The following DDRGK1 variants were observed in gnomAD, a reference collection of about 807,000 sequenced individuals.
DDRGK1 encodes DDRGK domain-containing protein 1.
DDRGK1 carries 38 observed loss-of-function variants against 45.8 expected under a neutral mutation model. That is an observed-to-expected ratio of 0.83 (90% confidence interval 0.64 to 1.09). DDRGK1 has a LOEUF of 1.09. Among genes scored for constraint, DDRGK1 ranks in the 50% least tolerant of loss-of-function variants. The probability of loss-of-function intolerance (pLI) is 0.00; values close to 1 mark genes in which losing one functional copy is unlikely to be tolerated. For synonymous variants in DDRGK1, 171 were observed against 168.7 expected (o/e 1.01, Z -0.11); for missense variants, 403 against 419.9 (o/e 0.96, Z 0.35).
At chr20:3,191,702 C>G (rs1412705432) in intron 7 of DDRGK1, 63 bp downstream of exon 7, 1 of 1,531,888 alleles carries the variant, frequency 6.5e-7, no homozygotes. Flanking sequence ...TAGGGCAGGT[C>G]CTCTCTGCTA....
intron 4 of DDRGK1, among the ~76,000 whole-genome samples, chr20:3,196,491 C>A (rs933699375): frequency 2.7e-5 from 4 of 147,862 alleles, no homozygotes; most frequent in African/African-American, 5.1e-5. Flanking sequence ...TCCTGGCTAA[C>A]ACGGTGAAAC....
At chr20:3,202,425 C>T (rs1256673662) in intron 2 of DDRGK1, among the ~76,000 whole-genome samples, 3 of 152,158 alleles carry the variant, frequency 2.0e-5, no homozygotes, top group Non-Finnish European at 4.4e-5. Context: ...TCCTCACAAT[C>T]GTCAGGAGTT....
intron 4 of DDRGK1, 59 bp from the exon 5 acceptor site, chr20:3,195,412 C>A: frequency 6.6e-7 from 1 of 1,523,872 alleles, no homozygotes; most frequent in South Asian, 1.3e-5. Context: ...GGCACCTGTT[C>A]TGGTTGCTGC....
chr20:3,191,898 G>C, intron 6 of DDRGK1, 77 bp from the exon 7 acceptor site: 1 of 1,457,958 alleles, frequency 6.9e-7, no homozygotes, highest in Non-Finnish European at 9.3e-7. Flanking sequence ...CTCCAGGTTT[G>C]CATTCTGATC....
At chr20:3,204,184 G>C (rs1314563567) in intron 1 of DDRGK1, among the ~76,000 whole-genome samples, 1 of 152,178 alleles carries the variant, frequency 6.6e-6, no homozygotes, top group African/African-American at 2.4e-5. Flanking sequence ...GGGAGGAATG[G>C]AAAACCCCTG....
At chr20:3,200,243 C>T in intron 3 of DDRGK1, 99 bp downstream of exon 3, 2 of 1,459,732 alleles carry the variant, frequency 1.4e-6, no homozygotes, top group Non-Finnish European at 9.3e-7. Flanking sequence ...GCAGCAAACA[C>T]CAGCCCAGCA....
At chr20:3,202,528 AG>A (rs2067044602) in intron 2 of DDRGK1, among the ~76,000 whole-genome samples, 1 of 152,198 alleles carries the variant, frequency 6.6e-6, no homozygotes, top group Non-Finnish European at 1.5e-5. Flanking sequence ...TGACTACCTC[AG>A]GGCCAGCTGC....
chr20:3,193,217 T>C, intron 6 of DDRGK1, among the ~76,000 whole-genome samples: 1 of 152,086 alleles, frequency 6.6e-6, no homozygotes, highest in East Asian at 1.9e-4. Flanking sequence ...CGATGCTGGG[T>C]GCAGGCATGT....
At chr20:3,194,731 T>C in intron 6 of DDRGK1, 99 bp downstream of exon 6, 1 of 1,509,264 alleles carries the variant, frequency 6.6e-7, no homozygotes, top group Non-Finnish European at 9.1e-7. Flanking sequence ...CACTCCTGCA[T>C]GAGCCTGAAT....
At chr20:3,200,706 G>A (rs951816108) in intron 2 of DDRGK1, among the ~76,000 whole-genome samples, 3 of 152,206 alleles carry the variant, frequency 2.0e-5, no homozygotes, top group Admixed American at 6.5e-5. Context: ...GGCCGGGCAC[G>A]GTGGCTGAAG....
chr20:3,197,307 T>C (rs1213693016), intron 4 of DDRGK1, among the ~76,000 whole-genome samples: 1 of 150,764 alleles, frequency 6.6e-6, no homozygotes, highest in Admixed American at 6.6e-5. Flanking sequence ...GAGATTTCCA[T>C]ATAATTTATG....
intron 2 of DDRGK1, among the ~76,000 whole-genome samples, chr20:3,201,114 G>A (rs2067036870): frequency 1.5e-5 from 2 of 137,770 alleles, no homozygotes; most frequent in South Asian, 4.7e-4. Context: ...TGTCTCAGGG[G>A]AAAAAAAAAT....
At chr20:3,199,551 C>T (rs994969367) in intron 4 of DDRGK1, among the ~76,000 whole-genome samples, 7 of 152,194 alleles carry the variant, frequency 4.6e-5, no homozygotes, top group Non-Finnish European at 1.0e-4. Flanking sequence ...ACAAAGAAAG[C>T]ATCTGGCAAA....
At chr20:3,199,428 G>C (rs1443416705) in intron 4 of DDRGK1, among the ~76,000 whole-genome samples, 1 of 152,194 alleles carries the variant, frequency 6.6e-6, no homozygotes, top group East Asian at 1.9e-4. Context: ...AGGATCCTGG[G>C]ACAACAGGTC....
At chr20:3,199,528 C>T (rs1041780909) in intron 4 of DDRGK1, among the ~76,000 whole-genome samples, 4 of 152,270 alleles carry the variant, frequency 2.6e-5, no homozygotes, top group African/African-American at 9.6e-5. Flanking sequence ...TTTTGGGAAA[C>T]CTGGTTCTCA....
In DDRGK1 at chr20:3,191,175, C is replaced by T; in HGVS notation, c.778+15G>A. The T allele has an allele frequency of 6.2e-7, 1 of 1,614,152 alleles. No individual in the cohort carries two copies. On this transcript the variant is annotated intron_variant, in intron 8 of 8. Coordinates refer to ENST00000354488, the MANE Select transcript of DDRGK1 (RefSeq NM_023935.3). Reference sequence around the variant, plus strand: ...CCAAGGCCAGGACTGCAGTGATTGGCTCTCATCATCTCACCTGTTATAGTC... The same window carrying T: ...CCAAGGCCAGGACTGCAGTGATTGGTTCTCATCATCTCACCTGTTATAGTC...
intron 1 of DDRGK1, 89 bp downstream of exon 1, chr20:3,204,448 C>T: frequency 1.5e-6 from 2 of 1,360,732 alleles, no homozygotes; most frequent in Non-Finnish European, 2.0e-6. Context: ...CAGGTGCGCA[C>T]GCGCAGGAGC....
Position 3,199,984 on chromosome 20 carries a change from G to A in DDRGK1, c.510+17C>T. ...GCCTGGTCAAGGGTCAGAGGTCAGG[G>A]TAGGGGCTGGCCTCACCTTCTGCTC... On this transcript the variant is annotated intron_variant, in intron 4 of 8. Coordinates refer to ENST00000354488, the MANE Select transcript of DDRGK1 (RefSeq NM_023935.3). The A allele has an allele frequency of 6.3e-7, 1 of 1,599,292 alleles. No homozygotes were observed. Among genetic ancestry groups the A allele is most frequent in the Non-Finnish European group, 8.5e-7 (1 of 1,173,638 alleles).
intron 7 of DDRGK1, 200 bp from the exon 8 acceptor site, chr20:3,191,438 T>G: frequency 1.5e-6 from 1 of 663,842 alleles, no homozygotes; most frequent in Non-Finnish European, 2.7e-6. Flanking sequence ...CAAAAGAGTA[T>G]CTCTTCCTGT....
Sources: gnomAD v4.1 joint callset for allele counts (sites outside exome capture counted in the v4.1 genomes callset) on GRCh38, gnomAD v4.1.1 for gene constraint, MANE v1.5 for transcripts, NCBI Gene and HGNC (gene_info 2026-07-23, HGNC 2026-07-21) for gene names.